RAB5A: variants seen among roughly 807,000 people sequenced by gnomAD.
RAB5A encodes ras-related protein Rab-5A.
A neutral mutation model predicts 25.7 loss-of-function variants in RAB5A; 8 were observed. The ratio of observed to expected loss-of-function variants is 0.31; its 90% CI spans 0.18 to 0.56. The LOEUF (loss-of-function observed/expected upper bound fraction) is 0.56, where lower values mean the gene tolerates loss of function less well. Ranked by LOEUF, RAB5A falls within the 20% of genes least tolerant of loss-of-function variation. The pLI is 0.91. For missense variants in RAB5A, 192 were observed against 259.7 expected (o/e 0.74, Z 1.79); for synonymous variants, 98 against 89.8 (o/e 1.09, Z -0.52).
At chr3:19,968,007 T>C (rs1393108119) in intron 2 of RAB5A, among the ~76,000 whole-genome samples, 2 of 152,336 alleles carry the variant, frequency 1.3e-5, no homozygotes, top group East Asian at 1.9e-4. Context: ...AAATCTGTTA[T>C]GTCGGATTAC....
At chr3:19,973,420 A>G (rs1696779743) in intron 2 of RAB5A, among the ~76,000 whole-genome samples, 1 of 150,590 alleles carries the variant, frequency 6.6e-6, no homozygotes, top group African/African-American at 2.4e-5. Flanking sequence ...ACTATACTTG[A>G]AAAAAGGCTT....
intron 2 of RAB5A, among the ~76,000 whole-genome samples, chr3:19,952,591 C>T (rs537285132): frequency 3.3e-5 from 5 of 152,120 alleles, no homozygotes; most frequent in Non-Finnish European, 5.9e-5. Context: ...AAGTCTACTA[C>T]CTCCTGGCCT....
intron 2 of RAB5A, among the ~76,000 whole-genome samples, chr3:19,956,558 T>G (rs1199648455): frequency 1.3e-5 from 2 of 152,222 alleles, no homozygotes; most frequent in Non-Finnish European, 2.9e-5. Context: ...AACTAGTTGT[T>G]TTTAGTCTAA....
chr3:19,951,701 G>GTTTTGTTTTTTTTTT (rs1696425210), intron 2 of RAB5A, among the ~76,000 whole-genome samples: 1 of 99,014 alleles, frequency 1.0e-5, no homozygotes, highest in Non-Finnish European at 2.0e-5. Flanking sequence ...TGCCAGGCAA[G>GTTTTGTTTTTTTTTT]TTTTTTTTTT....
intron 2 of RAB5A, among the ~76,000 whole-genome samples, chr3:19,970,396 T>C (rs565984216): frequency 2.0e-5 from 3 of 152,298 alleles, no homozygotes; most frequent in African/African-American, 4.8e-5. Flanking sequence ...GGTAAAGTAA[T>C]TTGTAGTTTT....
chr3:19,984,484 A>G lies in RAB5A; in HGVS notation c.*661A>G. 1 of 228,270 alleles carries G rather than the reference A, an allele frequency of 4.4e-6. No homozygotes were observed. The highest frequency in any genetic ancestry group is 5.2e-5 in the South Asian group (1 of 19,414). The allele number at this position is 228,270 out of a possible 1,614,324, so 14.1% of individuals were successfully genotyped here. A position where few individuals can be genotyped will look rare whatever the true frequency, so the allele number is the denominator to read the frequency against. On this transcript the variant is annotated 3_prime_UTR_variant, in exon 6 of 6. Transcript: ENST00000273047. ...TGTTTTAGGAATTTTGAGAACTAAT[A>G]AATGCACCTTAATGGTCAGTGTTCC... is the stretch of plus-strand genomic sequence containing the variant.
At chr3:19,952,815 A>G (rs1696443453) in intron 2 of RAB5A, among the ~76,000 whole-genome samples, 1 of 151,998 alleles carries the variant, frequency 6.6e-6, no homozygotes. Context: ...TTGTTAATAC[A>G]TTATATCCAG....
intron 2 of RAB5A, among the ~76,000 whole-genome samples, chr3:19,958,392 C>G (rs1185480615): frequency 6.6e-6 from 1 of 152,012 alleles, no homozygotes; most frequent in Non-Finnish European, 1.5e-5. Context: ...TTAATTATTC[C>G]CCAATTTCTT....
At chr3:19,983,194 G>T (rs1385063084) in intron 5 of RAB5A, among the ~76,000 whole-genome samples, 4 of 151,860 alleles carry the variant, frequency 2.6e-5, no homozygotes, top group Non-Finnish European at 5.9e-5. Context: ...AAATTAGCTG[G>T]GTGTGGTGGG....
At chr3:19,949,462 A>G (rs1420104558) in intron 1 of RAB5A, among the ~76,000 whole-genome samples, 4 of 152,072 alleles carry the variant, frequency 2.6e-5, no homozygotes, top group African/African-American at 9.7e-5. Flanking sequence ...CTCACCCCCA[A>G]AGTGTTGGGA....
At chr3:19,974,618 T>A (rs1332586921) in intron 2 of RAB5A, among the ~76,000 whole-genome samples, 1 of 151,028 alleles carries the variant, frequency 6.6e-6, no homozygotes, top group African/African-American at 2.4e-5. Context: ...CACAATGTTT[T>A]AAAAAATAAT....
At chr3:19,978,670 T>TA in intron 5 of RAB5A, 1 of 279,922 alleles carries the variant, frequency 3.6e-6, no homozygotes, top group Non-Finnish European at 6.7e-6. Context: ...CCAGGTGAGT[T>TA]AAGCCTTAAC....
In RAB5A at chr3:19,978,382, A is replaced by T; in HGVS notation, c.511A>T (p.Asn171Tyr). ...ATCCGCTAAAACATCAATGAATGTA[A>T]ATGAAATATTCATGGCAATAGGTAA... ...ETSAKTSMNV[N>Y]EIFMAIAKKL... Residue 171 changes from asparagine (N) to tyrosine (Y), a missense_variant, in exon 5 of 6, where the codon AAT becomes TAT. Around this residue, in one of 3 missense-constraint regions of RAB5A, gnomAD observed 121 missense variants for 135.7 expected, o/e 0.89. Transcript: ENST00000273047. The T allele has an allele frequency of 6.3e-7, 1 of 1,594,834 alleles. No homozygotes were observed. The highest frequency in any genetic ancestry group is 8.6e-7 in the Non-Finnish European group (1 of 1,162,706).
intron 2 of RAB5A, among the ~76,000 whole-genome samples, chr3:19,973,640 A>T (rs142072848): frequency 4.5e-4 from 68 of 152,098 alleles, no homozygotes; most frequent in African/African-American, 1.2e-3. Context: ...ATTGTTGGTT[A>T]AAAAAAAGTT....
At chr3:19,980,781 A>T (rs1696910979) in intron 5 of RAB5A, among the ~76,000 whole-genome samples, 1 of 152,184 alleles carries the variant, frequency 6.6e-6, no homozygotes, top group African/African-American at 2.4e-5. Context: ...AATGCTATTT[A>T]TGCTACCAGC....
intron 1 of RAB5A, among the ~76,000 whole-genome samples, chr3:19,949,386 CTTTT>C (rs1696388447): frequency 2.6e-5 from 4 of 152,034 alleles, no homozygotes; most frequent in African/African-American, 9.7e-5. Context: ...ATATTTCTTT[CTTTT>C]GTTTTTAATA....
At position 19,984,780 on chromosome 3, in the gene RAB5A, A is replaced by T. The variant is rs1260502714; in HGVS notation, c.*957A>T. On this transcript the variant is annotated 3_prime_UTR_variant, in exon 6 of 6. Coordinates refer to ENST00000273047, the MANE Select transcript of RAB5A (RefSeq NM_004162.5). ...TTCTGTAATATTTAAGAGTTGCTTA[A>T]AAGCATACAAAATGTACTGTTACTA... 1.3e-5 allele frequency: 2 copies of T among 153,068 alleles called. No homozygotes were observed. The highest frequency in any genetic ancestry group is 4.8e-5 in the African/African-American group (2 of 41,460). 9.5% of individuals were successfully genotyped at this position (153,068 alleles called of 1,614,324 possible). A position where few individuals can be genotyped will look rare whatever the true frequency, so the allele number is the denominator to read the frequency against.
At chr3:19,956,433 G>T (rs972063462) in intron 2 of RAB5A, among the ~76,000 whole-genome samples, 1 of 152,166 alleles carries the variant, frequency 6.6e-6, no homozygotes, top group Admixed American at 6.5e-5. Context: ...CAGCCTGGGC[G>T]ACAGGGCGAG....
chr3:19,959,988 G>T (rs575458749), intron 2 of RAB5A, among the ~76,000 whole-genome samples: 1 of 152,280 alleles, frequency 6.6e-6, no homozygotes, highest in Non-Finnish European at 1.5e-5. Context: ...AGAGGCACAT[G>T]AAAGACACTT....
Sources: allele counts gnomAD v4.1 joint callset (sites outside exome capture counted in the v4.1 genomes callset), GRCh38; gene constraint gnomAD v4.1.1; regional missense constraint gnomAD v4.1.1; transcripts MANE v1.5; gene names NCBI Gene and HGNC (gene_info 2026-07-23, HGNC 2026-07-21).